The following TBC1D1 variants were observed in gnomAD, a reference collection of about 807,000 sequenced individuals.
The protein encoded by TBC1D1 is TBC1 (tre-2/USP6, BUB2, cdc16) domain family, member 1.
TBC1D1 carries 89 observed loss-of-function variants against 125.6 expected under a neutral mutation model. The ratio of observed to expected loss-of-function variants is 0.71; its 90% confidence interval spans 0.60 to 0.85. The LOEUF (loss-of-function observed/expected upper bound fraction) is 0.85. Ranked by LOEUF, TBC1D1 falls within the 40% of genes least tolerant of loss-of-function variation. The probability of loss-of-function intolerance (pLI) is 0.00; values close to 1 mark genes in which losing one functional copy is unlikely to be tolerated. For missense variants in TBC1D1, 1,377 were observed against 1,469.2 expected (o/e 0.94, Z 1.03); for synonymous variants, 565 against 564.1 (o/e 1.00, Z -0.02).
At chr4:37,993,219 C>G (rs1014093456) in intron 2 of TBC1D1, among the ~76,000 whole-genome samples, 7 of 151,088 alleles carry the variant, frequency 4.6e-5, no homozygotes, top group Non-Finnish European at 1.0e-4. Flanking sequence ...AGATGCCATC[C>G]TGAGAGAGAG....
chr4:38,041,036 G>A (rs951786136), intron 8 of TBC1D1, among the ~76,000 whole-genome samples: 1 of 152,204 alleles, frequency 6.6e-6, no homozygotes, highest in Non-Finnish European at 1.5e-5. Context: ...TTCTAAGGTA[G>A]TAGCCATTCT....
intron 2 of TBC1D1, among the ~76,000 whole-genome samples, chr4:37,925,843 T>C (rs987330013): frequency 9.8e-5 from 15 of 152,286 alleles, no homozygotes; most frequent in Admixed American, 6.5e-5. Flanking sequence ...ATTAATAATA[T>C]GTTATCATCA....
intron 11 of TBC1D1, 58 bp downstream of exon 13, chr4:38,053,283 G>C: frequency 7.8e-7 from 1 of 1,281,214 alleles, no homozygotes; most frequent in Non-Finnish European, 1.0e-6. Context: ...AATATCATTA[G>C]ATATACAAGG....
chr4:38,084,156 G>T (rs1042502642), intron 12 of TBC1D1, among the ~76,000 whole-genome samples: 1 of 152,074 alleles, frequency 6.6e-6, no homozygotes, highest in Non-Finnish European at 1.5e-5. Context: ...GGATGGTCTC[G>T]ATCTCCTGAC....
At chr4:37,962,239 C>T (rs1730204770) in intron 2 of TBC1D1, among the ~76,000 whole-genome samples, 1 of 152,154 alleles carries the variant, frequency 6.6e-6, no homozygotes. Context: ...AAGCTCCTAC[C>T]CAGCCATTGT....
chr4:38,116,240 A>C, intron 16 of TBC1D1, among the ~76,000 whole-genome samples: 1 of 152,156 alleles, frequency 6.6e-6, no homozygotes, highest in Non-Finnish European at 1.5e-5. Context: ...TGGACTGGAA[A>C]CCCAGGCCTC....
intron 2 of TBC1D1, chr4:38,007,230 TA>T (rs1343226601): frequency 6.6e-6 from 1 of 152,448 alleles, no homozygotes; most frequent in Admixed American, 6.6e-5. Context: ...TTTTACTTTT[TA>T]TTTTTTTATT....
At chr4:37,983,028 G>A (rs1734676910) in intron 2 of TBC1D1, among the ~76,000 whole-genome samples, 1 of 152,094 alleles carries the variant, frequency 6.6e-6, no homozygotes, top group Non-Finnish European at 1.5e-5. Context: ...GGCGAATGAG[G>A]ACCAGGATGA....
intron 12 of TBC1D1, among the ~76,000 whole-genome samples, chr4:38,067,748 G>T (rs1291290178): frequency 2.6e-5 from 4 of 152,188 alleles, no homozygotes; most frequent in African/African-American, 7.2e-5. Flanking sequence ...AGCCCCTGGT[G>T]CAGGTCCCAG....
chr4:38,007,758 T>C (rs543153870), intron 2 of TBC1D1, among the ~76,000 whole-genome samples: 3 of 152,334 alleles, frequency 2.0e-5, no homozygotes. Flanking sequence ...ATGGTAGGGA[T>C]CTGTGCAGTT....
intron 7 of TBC1D1, chr4:38,030,397 C>G (rs1435849490): frequency 2.0e-5 from 3 of 152,166 alleles, no homozygotes; most frequent in Admixed American, 2.0e-4. Flanking sequence ...CTCCAGACAC[C>G]AAAGGGAGGT....
chr4:38,042,189 A>G (rs1748525761), intron 8 of TBC1D1, among the ~76,000 whole-genome samples: 1 of 151,956 alleles, frequency 6.6e-6, no homozygotes, highest in African/African-American at 2.4e-5. Context: ...AAACAAGCAA[A>G]CAAAAAAAGC....
intron 2 of TBC1D1, among the ~76,000 whole-genome samples, chr4:37,922,957 T>C (rs977300638): frequency 1.3e-5 from 2 of 150,192 alleles, no homozygotes; most frequent in African/African-American, 4.9e-5. Context: ...AAGTTCTCTC[T>C]CTTTTTTTTT....
intron 2 of TBC1D1, among the ~76,000 whole-genome samples, chr4:37,933,308 C>T (rs1214429566): frequency 6.6e-6 from 1 of 152,058 alleles, no homozygotes; most frequent in African/African-American, 2.4e-5. Flanking sequence ...TATACACCTT[C>T]ACAACATATT....
At chr4:38,072,960 T>TC (rs1324471406) in intron 12 of TBC1D1, among the ~76,000 whole-genome samples, 9 of 152,222 alleles carry the variant, frequency 5.9e-5, no homozygotes, top group African/African-American at 2.2e-4. Context: ...CTCTTTTTTT[T>TC]CCGCCTTTTT....
intron 2 of TBC1D1, among the ~76,000 whole-genome samples, chr4:38,010,689 A>G (rs1741292004): frequency 1.3e-5 from 2 of 152,178 alleles, no homozygotes; most frequent in Non-Finnish European, 2.9e-5. Context: ...TCAGCCCCCT[A>G]TCCAGGTCAC....
chr4:37,920,418 C>T (rs1720710016), intron 2 of TBC1D1, among the ~76,000 whole-genome samples: 1 of 152,166 alleles, frequency 6.6e-6, no homozygotes, highest in Non-Finnish European at 1.5e-5. Flanking sequence ...AGAGACAAAA[C>T]ACAGAGCCAG....
intron 2 of TBC1D1, among the ~76,000 whole-genome samples, chr4:37,997,392 C>T (rs1036177911): frequency 4.6e-5 from 7 of 152,084 alleles, no homozygotes; most frequent in African/African-American, 1.4e-4. Flanking sequence ...TGTGTTATGT[C>T]GTGAAGCATT....
chr4:37,910,750 C>G (rs1196419822), intron 2 of TBC1D1, among the ~76,000 whole-genome samples: 1 of 151,800 alleles, frequency 6.6e-6, no homozygotes, highest in Non-Finnish European at 1.5e-5. Flanking sequence ...AACGGAGTGA[C>G]CATAGTCAAT....
Sources: gnomAD v4.1 joint callset for allele counts (sites outside exome capture counted in the v4.1 genomes callset) on GRCh38, gnomAD v4.1.1 for gene constraint, MANE v1.5 for transcripts, NCBI Gene and HGNC (gene_info 2026-07-23, HGNC 2026-07-21) for gene names.